The following NALF1 variants were observed in gnomAD, a reference collection of about 807,000 sequenced individuals.
NALF1 encodes NALCN channel auxiliary factor 1.
In NALF1, 3 loss-of-function variants were observed where a neutral mutation model predicts 48.4. The ratio of observed to expected loss-of-function variants is 0.06; its 90% CI spans 0.03 to 0.16. The LOEUF is 0.16. Among genes scored for constraint, NALF1 ranks in the 10% least tolerant of loss-of-function variants. NALF1 has a pLI of 1.00. For missense variants in NALF1, 526 were observed against 571.5 expected (o/e 0.92, Z 0.81); for synonymous variants, 262 against 245.7 (o/e 1.07, Z -0.62).
intron 1 of NALF1, among the ~76,000 whole-genome samples, chr13:107,486,731 CA>C (rs1885335713): frequency 6.6e-6 from 1 of 152,096 alleles, no homozygotes; most frequent in Non-Finnish European, 1.5e-5. Flanking sequence ...GAAAGAAGCA[CA>C]AAAATGAGTG....
intron 1 of NALF1, among the ~76,000 whole-genome samples, chr13:107,363,846 ATGT>A (rs1883106581): frequency 6.6e-6 from 1 of 152,178 alleles, no homozygotes; most frequent in African/African-American, 2.4e-5. Context: ...AATCCAGTTC[ATGT>A]TGTGTTTTCT....
At chr13:107,600,233 G>A (rs1366128171) in intron 1 of NALF1, among the ~76,000 whole-genome samples, 4 of 152,118 alleles carry the variant, frequency 2.6e-5, no homozygotes, top group Non-Finnish European at 5.9e-5. Flanking sequence ...ATTTCATTAC[G>A]TTTATCTAGG....
intron 1 of NALF1, among the ~76,000 whole-genome samples, chr13:107,488,895 C>T (rs1460856399): frequency 6.6e-6 from 1 of 152,134 alleles, no homozygotes; most frequent in African/African-American, 2.4e-5. Flanking sequence ...AGCCCAAAAG[C>T]TTCTTAAGCT....
intron 1 of NALF1, among the ~76,000 whole-genome samples, chr13:107,329,207 A>T (rs573800491): frequency 2.6e-5 from 4 of 152,356 alleles, no homozygotes; most frequent in African/African-American, 7.2e-5. Flanking sequence ...TAGGAACTGA[A>T]AATATGCCTT....
chr13:107,752,284 G>A (rs1430356289), intron 1 of NALF1, among the ~76,000 whole-genome samples: 1 of 151,836 alleles, frequency 6.6e-6, no homozygotes, highest in Admixed American at 6.6e-5. Context: ...TGAGTATTAT[G>A]GTTTAATAAG....
chr13:107,755,057 T>C (rs534659735), intron 1 of NALF1, among the ~76,000 whole-genome samples: 21 of 152,318 alleles, frequency 1.4e-4, no homozygotes, highest in African/African-American at 3.6e-4. Flanking sequence ...AGCTCTAAAA[T>C]TGTTGATAAA....
chr13:107,637,556 G>A (rs1880012370), intron 1 of NALF1, among the ~76,000 whole-genome samples: 1 of 152,046 alleles, frequency 6.6e-6, no homozygotes, highest in Non-Finnish European at 1.5e-5. Context: ...CTCAGTCAAC[G>A]AACACTGCTG....
At chr13:107,401,703 AAC>A (rs1361940164) in intron 1 of NALF1, among the ~76,000 whole-genome samples, 1 of 150,816 alleles carries the variant, frequency 6.6e-6, no homozygotes, top group African/African-American at 2.4e-5. Context: ...AAAAAAAAAA[AAC>A]AATGTTGAAT....
intron 1 of NALF1, among the ~76,000 whole-genome samples, chr13:107,694,508 G>C (rs750594708): frequency 2.6e-5 from 4 of 151,954 alleles, no homozygotes; most frequent in Non-Finnish European, 4.4e-5. Flanking sequence ...TGTTTTACTT[G>C]GGGTGGGAGG....
At chr13:107,178,092 C>G (rs907677154) in intron 2 of NALF1, among the ~76,000 whole-genome samples, 1 of 151,794 alleles carries the variant, frequency 6.6e-6, no homozygotes, top group African/African-American at 2.4e-5. Flanking sequence ...TCTCAAACTA[C>G]GAAATTACTA....
intron 1 of NALF1, among the ~76,000 whole-genome samples, chr13:107,861,741 C>T (rs781650475): frequency 6.6e-6 from 1 of 152,226 alleles, no homozygotes; most frequent in Admixed American, 6.5e-5. Flanking sequence ...CAACATTGCG[C>T]CACTGCACTC....
intron 1 of NALF1, among the ~76,000 whole-genome samples, chr13:107,327,792 T>C (rs951536398): frequency 6.6e-6 from 1 of 152,172 alleles, no homozygotes; most frequent in South Asian, 2.1e-4. Context: ...CATCAGATAT[T>C]AAAGGTATCC....
chr13:107,671,046 C>T (rs1880979181), intron 1 of NALF1, among the ~76,000 whole-genome samples: 1 of 151,966 alleles, frequency 6.6e-6, no homozygotes, highest in Non-Finnish European at 1.5e-5. Context: ...ACTTCCTTAT[C>T]AATCGAAAAT....
At chr13:107,385,855 A>G (rs1179300281) in intron 1 of NALF1, among the ~76,000 whole-genome samples, 1 of 152,178 alleles carries the variant, frequency 6.6e-6, no homozygotes, top group Non-Finnish European at 1.5e-5. Flanking sequence ...TCACTCAGTT[A>G]TAATACTGAA....
At position 107,320,600 on chromosome 13, in the gene NALF1, T is replaced by C. The variant is rs1039832446; in HGVS notation, c.916-109845A>G. 3.9e-5 allele frequency among the ~76,000 whole-genome samples: 6 copies of C among 152,066 alleles called. No homozygotes were observed. In the South Asian group the frequency reaches 6.2e-4, roughly 16 times the overall value. On this transcript the variant is annotated intron_variant, in intron 1 of 2. Coordinates refer to ENST00000375915, the MANE Select transcript of NALF1 (RefSeq NM_001080396.3). ...AATCAGGAATTATTCCTATAATCCC[T>C]CCATTATTACTATTGAACGAATAGG...
intron 1 of NALF1, among the ~76,000 whole-genome samples, chr13:107,283,011 T>C (rs535903909): frequency 5.9e-4 from 90 of 152,332 alleles, no homozygotes; most frequent in Middle Eastern, 6.8e-3. Flanking sequence ...CAGTATTCAC[T>C]GGAAACATAC....
intron 1 of NALF1, among the ~76,000 whole-genome samples, chr13:107,704,231 C>T (rs1881894060): frequency 6.6e-6 from 1 of 152,160 alleles, no homozygotes; most frequent in African/African-American, 2.4e-5. Flanking sequence ...CTGGTTGCTT[C>T]ATGGTCCTTT....
intron 1 of NALF1, among the ~76,000 whole-genome samples, chr13:107,260,439 A>C (rs1015645752): frequency 1.3e-5 from 2 of 152,248 alleles, no homozygotes; most frequent in Non-Finnish European, 2.9e-5. Context: ...TGATATGGGC[A>C]ATGTTCTGTT....
At chr13:107,233,170 T>G (rs1249446667) in intron 1 of NALF1, among the ~76,000 whole-genome samples, 1 of 152,216 alleles carries the variant, frequency 6.6e-6, no homozygotes, top group Non-Finnish European at 1.5e-5. Context: ...TAATTATGTA[T>G]TTTGAAAAAG....
Sources: gnomAD v4.1 joint callset for allele counts (sites outside exome capture counted in the v4.1 genomes callset) on GRCh38, gnomAD v4.1.1 for gene constraint, MANE v1.5 for transcripts, NCBI Gene and HGNC (gene_info 2026-07-23, HGNC 2026-07-21) for gene names.